Variants in PPT2 observed in about 807,000 individuals in gnomAD.
PPT2 encodes palmitoyl-protein thioesterase 2.
A neutral mutation model predicts 37.3 loss-of-function variants in PPT2; 20 were observed. The observed-to-expected ratio is 0.54, with a 90% confidence interval of 0.38 to 0.78. PPT2 has a LOEUF of 0.78. PPT2 is among the 30% of genes least tolerant of loss of function. The probability of loss-of-function intolerance (pLI) is 0.00; values close to 1 mark genes in which losing one functional copy is unlikely to be tolerated. For missense variants in PPT2, 270 were observed against 389.8 expected (o/e 0.69, Z 2.59); for synonymous variants, 135 against 159.1 (o/e 0.85, Z 1.14).
At chr6:32,160,236 G>C (rs1784066413) in intron 7 of PPT2, among the ~76,000 whole-genome samples, 1 of 150,242 alleles carries the variant, frequency 6.7e-6, no homozygotes, top group East Asian at 2.0e-4. Context: ...TAGTAGAGAC[G>C]GGGTTTCACT....
intron 7 of PPT2, among the ~76,000 whole-genome samples, chr6:32,158,670 G>A (rs938943115): frequency 5.9e-5 from 9 of 152,206 alleles, no homozygotes; most frequent in Non-Finnish European, 1.0e-4. Context: ...AATAAGGCAG[G>A]GGAAAGGATT....
Position 32,157,909 on chromosome 6 carries a change from C to T in PPT2, c.695C>T (p.Thr232Ile), listed in dbSNP as rs1341455536. The change falls in exon 7 of 9, where the codon ACT becomes ATT. Residue 232 changes from threonine (T) to isoleucine (I), a missense_variant. Transcript: ENST00000324816. Reference protein sequence around the residue: ...LIGGPDDGVITPWQSSFFGFY... With the variant: ...LIGGPDDGVIIPWQSSFFGFY... The stretch of plus-strand genomic sequence containing the variant: ...GGGGGCCCTGATGATGGTGTTATTA[C>T]TCCCTGGCAGTCCAGGTAATAAGGG... 2 of 1,611,426 alleles carry T rather than the reference C, an allele frequency of 1.2e-6. No individual in the cohort carries two copies. Among genetic ancestry groups the T allele is most frequent in the Non-Finnish European group, 1.7e-6 (2 of 1,178,686 alleles).
chr6:32,161,587 C>CTT (rs1561823571), intron 7 of PPT2, among the ~76,000 whole-genome samples: 1 of 132,810 alleles, frequency 7.5e-6, no homozygotes, highest in Non-Finnish European at 1.6e-5. Flanking sequence ...CCACACCTGG[C>CTT]CTCTTTTTTT....
chr6:32,155,600 G>C lies in PPT2; in HGVS notation c.338-88G>C, dbSNP rs748004119. Reference sequence around the variant, plus strand: ...TGTGTGTCTCTGTGTGTGTGTGTGTGTGTGTGTGTGTGTGTGTGGTGGGGG... The same window carrying C: ...TGTGTGTCTCTGTGTGTGTGTGTGTCTGTGTGTGTGTGTGTGTGGTGGGGG... On this transcript the variant is annotated intron_variant, in intron 3 of 8. Transcript: ENST00000324816. This position sits in a 1 kb window ranked among gnomAD's most constrained non-coding sequence, Gnocchi z 4.3. The C allele has an allele frequency of 3.7e-6, 3 of 807,556 alleles. No individual in the cohort carries two copies. The highest frequency in any genetic ancestry group is 4.2e-5 in the African/African-American group (2 of 48,066). The allele number at this position is 807,556 out of a possible 1,614,324, so 50.0% of individuals were successfully genotyped here.
At position 32,155,652 on chromosome 6, in the gene PPT2, CT is replaced by C; in HGVS notation, c.338-34del. On this transcript the variant is annotated intron_variant, in intron 3 of 8. Coordinates refer to ENST00000324816, the MANE Select transcript of PPT2 (RefSeq NM_005155.7). The surrounding 1 kb of genome is among the most constrained non-coding windows in gnomAD (Gnocchi z 4.3). ...GGGGGGTGCTGCTGGCTTTGCTGTC[CT>C]TAAGTGCCTGCCCAATGTGGTGTTC... 6.4e-7 allele frequency: 1 copy of C among 1,551,752 alleles called. No individual in the cohort carries two copies. Among genetic ancestry groups the C allele is most frequent in the African/African-American group, 1.4e-5 (1 of 72,734 alleles).
In PPT2 at chr6:32,162,472, G is replaced by T; in HGVS notation, c.711-96G>T. 1 of 1,262,208 alleles carries T rather than the reference G, an allele frequency of 7.9e-7. No homozygotes were observed. Among genetic ancestry groups the T allele is most frequent in the Non-Finnish European group, 1.2e-6 (1 of 865,866 alleles). The allele number at this position is 1,262,208 out of a possible 1,614,324, so 78.2% of individuals were successfully genotyped here. ...TGGCCTCAGGTGATTTGCCCTCCTT[G>T]GCCTCCCAAAGTGCTGCAATTACAG... is the stretch of plus-strand genomic sequence containing the variant. On this transcript the variant is annotated intron_variant, in intron 7 of 8. Transcript: ENST00000324816. This position sits in a 1 kb window ranked among gnomAD's most constrained non-coding sequence, Gnocchi z 5.5.
chr6:32,153,664 A>AGGGTG, upstream of PPT2: 4 of 172,956 alleles, frequency 2.3e-5, no homozygotes, highest in Non-Finnish European at 4.8e-5. The surrounding 1 kb of genome is among the most constrained non-coding windows in gnomAD (Gnocchi z 4.4). Flanking sequence ...GGCGGACTGG[A>AGGGTG]GGGTGGGGTG....
intron 5 of PPT2, 134 bp from the exon 6 acceptor site, chr6:32,157,503 G>A (rs1233343206): frequency 1.6e-5 from 12 of 746,536 alleles, no homozygotes; most frequent in Middle Eastern, 7.3e-4. Flanking sequence ...GTGAGCCACC[G>A]CACCTGGCCT....
In PPT2 at chr6:32,154,413, A is replaced by G; in HGVS notation, c.-9+9A>G. ...ACTTCGGGTGCGCGTTGGTGCGTCA[A>G]CGTGGTGGGGGGGTGTGTTTGTAGG... On this transcript the variant is annotated intron_variant, in intron 1 of 8. Transcript: ENST00000324816. The surrounding 1 kb of genome is among the most constrained non-coding windows in gnomAD (Gnocchi z 7.3). The G allele has an allele frequency of 6.9e-7, 1 of 1,453,286 alleles. No homozygotes were observed. Among genetic ancestry groups the G allele is most frequent in the Non-Finnish European group, 9.0e-7 (1 of 1,109,460 alleles). The allele number at this position is 1,453,286 out of a possible 1,614,324, so 90.0% of individuals were successfully genotyped here.
In PPT2 at chr6:32,156,994, C is replaced by G. The variant is rs766802855; in HGVS notation, c.542-643C>G. On this transcript the variant is annotated intron_variant, in intron 5 of 8. Coordinates refer to ENST00000324816, the MANE Select transcript of PPT2 (RefSeq NM_005155.7). This position sits in a 1 kb window ranked among gnomAD's most constrained non-coding sequence, Gnocchi z 4.9. ...TCGGGTTCGAGACCAGCCTGGCCAA[C>G]ATGGTGAAACCCCATCTCTACTAAA... 6.6e-6 allele frequency: 1 copy of G among 151,694 alleles called. No individual in the cohort carries two copies. Among genetic ancestry groups the G allele is most frequent in the Non-Finnish European group, 1.5e-5 (1 of 68,028 alleles). The allele number at this position is 151,694 out of a possible 1,614,324, so 9.4% of individuals were successfully genotyped here.
At chr6:32,161,073 A>C (rs563675509) in intron 7 of PPT2, among the ~76,000 whole-genome samples, 187 of 152,058 alleles carry the variant, frequency 1.2e-3, no homozygotes, top group Non-Finnish European at 2.2e-3. Context: ...ACATTTTGTC[A>C]TGTTTACATT....
intron 7 of PPT2, among the ~76,000 whole-genome samples, chr6:32,161,252 T>C (rs1784136598): frequency 6.6e-6 from 1 of 152,172 alleles, no homozygotes. Context: ...ATCAGGATCT[T>C]GAGTTGCATG....
Position 32,155,040 on chromosome 6 carries a change from G to C in PPT2, c.194G>C (p.Gly65Ala). 1 of 1,612,952 alleles carries C rather than the reference G, an allele frequency of 6.2e-7. No individual in the cohort carries two copies. The highest frequency in any genetic ancestry group is 1.1e-5 in the South Asian group (1 of 91,070). The stretch of plus-strand genomic sequence containing the variant: ...GCCCCCTTCCCACAGACACACCCCG[G>C]GACTGTGGTGACAGTGCTCGATCTC... Reference protein sequence around the residue: ...LLEYINETHPGTVVTVLDLFD... With the variant: ...LLEYINETHPATVVTVLDLFD... The change falls in exon 3 of 9, where the codon GGG becomes GCG. Residue 65 changes from glycine to alanine, a missense_variant. Coordinates refer to ENST00000324816, the MANE Select transcript of PPT2 (RefSeq NM_005155.7). This position sits in a 1 kb window ranked among gnomAD's most constrained non-coding sequence, Gnocchi z 4.3.
At chr6:32,157,501 C>T in intron 5 of PPT2, 136 bp from the exon 6 acceptor site, 2 of 739,326 alleles carry the variant, frequency 2.7e-6, no homozygotes, top group African/African-American at 1.7e-5. Flanking sequence ...GTGTGAGCCA[C>T]CGCACCTGGC....
chr6:32,157,599 C>G (rs56313361), intron 5 of PPT2, 38 bp from the exon 6 acceptor site: 2 of 1,519,544 alleles, frequency 1.3e-6, no homozygotes, highest in Non-Finnish European at 1.8e-6. Context: ...TCTTGCCTCC[C>G]TTTTCTGCTT....
Position 32,154,419 on chromosome 6 carries a change from TGG to T in PPT2, c.-9+21_-9+22del. 1.4e-6 allele frequency: 2 copies of T among 1,451,796 alleles called. No individual in the cohort carries two copies. The highest frequency in any genetic ancestry group is 9.0e-7 in the Non-Finnish European group (1 of 1,108,368). The allele number at this position is 1,451,796 out of a possible 1,614,324, so 89.9% of individuals were successfully genotyped here. A position where few individuals can be genotyped will look rare whatever the true frequency, so the allele number is the denominator to read the frequency against. On this transcript the variant is annotated intron_variant, in intron 1 of 8. Coordinates refer to ENST00000324816, the MANE Select transcript of PPT2 (RefSeq NM_005155.7). This position sits in a 1 kb window ranked among gnomAD's most constrained non-coding sequence, Gnocchi z 7.3. ...GGTGCGCGTTGGTGCGTCAACGTGG[TGG>T]GGGGGTGTGTTTGTAGGGAGAGGGC...
In PPT2 at chr6:32,154,459, A is replaced by G; in HGVS notation, c.-9+55A>G. 1 of 1,494,026 alleles carries G rather than the reference A, an allele frequency of 6.7e-7. No individual in the cohort carries two copies. The allele number at this position is 1,494,026 out of a possible 1,614,324, so 92.5% of individuals were successfully genotyped here. A position where few individuals can be genotyped will look rare whatever the true frequency, so the allele number is the denominator to read the frequency against. ...GTAGGGAGAGGGCTGGAGTAAGTTA[A>G]AAGTAGGCTATTTTGTGACACGGAC... On this transcript the variant is annotated intron_variant, in intron 1 of 8. Coordinates refer to ENST00000324816, the MANE Select transcript of PPT2 (RefSeq NM_005155.7). This position sits in a 1 kb window ranked among gnomAD's most constrained non-coding sequence, Gnocchi z 7.3.
rs1408768167 is a variant in PPT2 at position 32,163,154 on chromosome 6, C to T, written c.*204C>T. The stretch of plus-strand genomic sequence containing the variant: ...TCCTCCATGAATGACAATTCCAGGC[C>T]TCCCCTACCTCATGTCCTCTCATTT... On this transcript the variant is annotated 3_prime_UTR_variant, in exon 9 of 9. Coordinates refer to ENST00000324816, the MANE Select transcript of PPT2 (RefSeq NM_005155.7). 3.3e-6 allele frequency: 2 copies of T among 598,140 alleles called. No homozygotes were observed. Among genetic ancestry groups the T allele is most frequent in the African/African-American group, 1.9e-5 (1 of 53,872 alleles). The allele number at this position is 598,140 out of a possible 1,614,324, so 37.1% of individuals were successfully genotyped here.
chr6:32,153,547 T>C, upstream of PPT2: 3 of 1,520,278 alleles, frequency 2.0e-6, no homozygotes, highest in South Asian at 2.4e-5. This position sits in a 1 kb window ranked among gnomAD's most constrained non-coding sequence, Gnocchi z 4.4. Context: ...CAGGAGAAAC[T>C]GGGCCAGGCT....
Sources: allele counts gnomAD v4.1 joint callset (sites outside exome capture counted in the v4.1 genomes callset), GRCh38; gene constraint gnomAD v4.1.1; non-coding constraint Gnocchi (gnomAD v3.1); transcripts MANE v1.5; gene names NCBI Gene and HGNC (gene_info 2026-07-23, HGNC 2026-07-21).